GRIK4: variants seen among roughly 807,000 people sequenced by gnomAD.
GRIK4 encodes the protein glutamate receptor ionotropic, kainate 4.
GRIK4 carries 40 observed loss-of-function variants against 104.9 expected under a neutral mutation model. The ratio of observed to expected loss-of-function variants is 0.38; its 90% CI spans 0.30 to 0.50. The LOEUF (loss-of-function observed/expected upper bound fraction) is 0.50, where lower values mean the gene tolerates loss of function less well. GRIK4 is among the 20% of genes least tolerant of loss of function. The pLI is 0.93. For missense variants in GRIK4, 1,047 were observed against 1,308.1 expected, an observed-to-expected ratio of 0.80 and a Z score of 3.08; for synonymous variants, 485 against 524.9, an observed-to-expected ratio of 0.92 and a Z score of 1.04.
Position 120,898,743 on chromosome 11 carries a change from A to C in GRIK4, c.1272+104A>C, listed in dbSNP as rs531745970. 23 of 695,278 alleles carry C rather than the reference A, an allele frequency of 3.3e-5. No individual in the cohort carries two copies. The African/African-American group carries it at 3.5e-4, about 11-fold the overall frequency. 43.1% of individuals were successfully genotyped at this position (695,278 alleles called of 1,614,324 possible). On this transcript the variant is annotated intron_variant, in intron 12 of 20. Coordinates refer to ENST00000527524, the MANE Select transcript of GRIK4 (RefSeq NM_014619.5). Reference sequence around the variant, plus strand: ...TGAACAGAAGATGGGAGCTCTAATCACAGCACTGAGCCCAATTTATGACAG... The same window carrying C: ...TGAACAGAAGATGGGAGCTCTAATCCCAGCACTGAGCCCAATTTATGACAG...
At chr11:120,921,804 T>A (rs1225802909) in intron 13 of GRIK4, among the ~76,000 whole-genome samples, 1 of 152,172 alleles carries the variant, frequency 6.6e-6, no homozygotes, top group East Asian at 1.9e-4. Context: ...GTCTCCAATT[T>A]TGTTCTCCAA....
intron 8 of GRIK4, among the ~76,000 whole-genome samples, chr11:120,844,507 A>C (rs1953802965): frequency 6.6e-6 from 1 of 152,218 alleles, no homozygotes; most frequent in Non-Finnish European, 1.5e-5. Flanking sequence ...GTATGAGTGA[A>C]GGGAGCATTC....
At position 120,532,334 on chromosome 11, in the gene GRIK4, G is replaced by A. The variant is rs1947932230; in HGVS notation, c.-159+20447G>A. ...TTTGATCCGGCTGCCCTTGTGCCCG[G>A]GGGTCCGCCCTGGGTGTGGACCCAG... On this transcript the variant is annotated intron_variant, in intron 1 of 20. Transcript: ENST00000527524. Among the ~76,000 whole-genome samples the A allele has an allele frequency of 2.0e-5, 3 of 152,292 alleles. No homozygotes were observed. In the South Asian group the frequency reaches 6.2e-4, roughly 32 times the overall value.
At chr11:120,577,840 G>A (rs1948505608) in intron 1 of GRIK4, among the ~76,000 whole-genome samples, 1 of 152,194 alleles carries the variant, frequency 6.6e-6, no homozygotes, top group Admixed American at 6.5e-5. Context: ...AGTGAGGAAA[G>A]TGGTGTTGGA....
chr11:120,863,915 A>C (rs1954325328), intron 9 of GRIK4, among the ~76,000 whole-genome samples: 1 of 152,198 alleles, frequency 6.6e-6, no homozygotes, highest in South Asian at 2.1e-4. Context: ...GGAAGCTTTG[A>C]TCCAGGGAGT....
chr11:120,539,714 G>GA (rs1948013291), intron 1 of GRIK4, among the ~76,000 whole-genome samples: 2 of 152,194 alleles, frequency 1.3e-5, no homozygotes, highest in Non-Finnish European at 2.9e-5. Flanking sequence ...CAGCTGAACA[G>GA]AGTCACCAAA....
At chr11:120,552,577 G>T (rs574326613) in intron 1 of GRIK4, among the ~76,000 whole-genome samples, 1 of 152,348 alleles carries the variant, frequency 6.6e-6, no homozygotes, top group South Asian at 2.1e-4. Context: ...GCTTGTGGTT[G>T]TAAGTTGAAA....
intron 1 of GRIK4, among the ~76,000 whole-genome samples, chr11:120,607,982 C>CA (rs1430570690): frequency 6.6e-6 from 1 of 152,068 alleles, no homozygotes; most frequent in Admixed American, 6.6e-5. Context: ...GGAGTCAAAT[C>CA]AGGTGAGGGT....
chr11:120,934,291 G>C (rs183933634), intron 13 of GRIK4, among the ~76,000 whole-genome samples: 2 of 152,054 alleles, frequency 1.3e-5, no homozygotes, highest in South Asian at 2.1e-4. Flanking sequence ...TGCCCGAAAG[G>C]GGGCAGCAGC....
At chr11:120,981,932 ATAAT>A (rs1944658894) in intron 19 of GRIK4, among the ~76,000 whole-genome samples, 170 bp from the exon 20 acceptor site, 1 of 152,126 alleles carries the variant, frequency 6.6e-6, no homozygotes, top group Non-Finnish European at 1.5e-5. Flanking sequence ...TTCCAGATAA[ATAAT>A]TAAATATCTT....
Position 120,535,706 on chromosome 11 carries a change from G to A in GRIK4, c.-159+23819G>A, listed in dbSNP as rs76293891. On this transcript the variant is annotated intron_variant, in intron 1 of 20. Coordinates refer to ENST00000527524, the MANE Select transcript of GRIK4 (RefSeq NM_014619.5). ...CATGAAACACTTACTACCTGAGCACGGGCAGTGGGCTAGCACATTAGTATT... is the reference window on the plus strand; with the variant it reads ...CATGAAACACTTACTACCTGAGCACAGGCAGTGGGCTAGCACATTAGTATT... Among the ~76,000 whole-genome samples the A allele has an allele frequency of 0.017, 2,600 of 152,326 alleles. 148 individuals are homozygous for A. The East Asian group carries it at 0.19, about 11-fold the overall frequency.
chr11:120,642,312 G>C lies in GRIK4; in HGVS notation c.-158-11373G>C, dbSNP rs144788008. On this transcript the variant is annotated intron_variant, in intron 1 of 20. Coordinates refer to ENST00000527524, the MANE Select transcript of GRIK4 (RefSeq NM_014619.5). ...TGCCACTGCCCTCCACCCTGGGCAA[G>C]ATGGAGTAAGACCTCCATCTGTAAG... is the stretch of plus-strand genomic sequence containing the variant. 9.3e-4 allele frequency among the ~76,000 whole-genome samples: 141 copies of C among 152,244 alleles called. 1 individual carries two copies. Among genetic ancestry groups the C allele is most frequent in the African/African-American group, 3.3e-3 (137 of 41,544 alleles).
chr11:120,758,919 A>G (rs1263320450), intron 3 of GRIK4, among the ~76,000 whole-genome samples: 1 of 152,188 alleles, frequency 6.6e-6, no homozygotes, highest in Non-Finnish European at 1.5e-5. Context: ...GGCACTGGGG[A>G]TACAGTAGAG....
At chr11:120,871,773 G>A (rs529974331) in intron 9 of GRIK4, 1 of 456,410 alleles carries the variant, frequency 2.2e-6, no homozygotes, top group African/African-American at 2.0e-5. Flanking sequence ...AAGAAGCAAG[G>A]CAAGGAGGAG....
intron 4 of GRIK4, among the ~76,000 whole-genome samples, chr11:120,805,645 C>A (rs535040543): frequency 6.6e-6 from 1 of 152,288 alleles, no homozygotes; most frequent in East Asian, 1.9e-4. Flanking sequence ...TCTTCCCACT[C>A]CAAAGGCTTT....
chr11:120,663,907 A>G (rs1213798214), intron 3 of GRIK4, among the ~76,000 whole-genome samples: 1 of 152,142 alleles, frequency 6.6e-6, no homozygotes, highest in Non-Finnish European at 1.5e-5. Context: ...GGGAGAATTC[A>G]TCTTTTTCCT....
At position 120,802,683 on chromosome 11, in the gene GRIK4, C is replaced by T. The variant is rs775838922; in HGVS notation, c.83-10C>T. 3 of 1,612,232 alleles carry T rather than the reference C, an allele frequency of 1.9e-6. No homozygotes were observed. Among genetic ancestry groups the T allele is most frequent in the Middle Eastern group, 1.8e-4 (1 of 5,438 alleles). The stretch of plus-strand genomic sequence containing the variant: ...GTACCAATTGTCTCCATGTGGTTGC[C>T]TGCCCACAGCTGCTATCTTGGACGA... On this transcript the variant is annotated splice_polypyrimidine_tract_variant and intron_variant, in intron 3 of 20. Transcript: ENST00000527524.
At chr11:120,883,371 A>G (rs1274024656) in intron 11 of GRIK4, among the ~76,000 whole-genome samples, 2 of 152,172 alleles carry the variant, frequency 1.3e-5, no homozygotes, top group African/African-American at 4.8e-5. Context: ...GGAATTTGAA[A>G]ATTGAAGCAG....
At chr11:120,731,464 T>C (rs1309179265) in intron 3 of GRIK4, among the ~76,000 whole-genome samples, 2 of 152,154 alleles carry the variant, frequency 1.3e-5, no homozygotes, top group African/African-American at 2.4e-5. Flanking sequence ...TTAAATTTGG[T>C]TTGCTAGTTT....
Sources: allele counts gnomAD v4.1 joint callset (sites outside exome capture counted in the v4.1 genomes callset), GRCh38; gene constraint gnomAD v4.1.1; transcripts MANE v1.5; gene names NCBI Gene and HGNC (gene_info 2026-07-23, HGNC 2026-07-21).